NF2: variants seen among roughly 807,000 people sequenced by gnomAD.
NF2 encodes the protein merlin.
A neutral mutation model predicts 83.7 loss-of-function variants in NF2; 8 were observed. The observed-to-expected ratio is 0.10, with a 90% CI of 0.06 to 0.17. NF2 has a LOEUF of 0.17. Among genes scored for constraint, NF2 ranks in the 10% least tolerant of loss-of-function variants. The pLI, the probability that NF2 is intolerant of heterozygous loss-of-function variation, is 1.00. For missense variants in NF2, 533 were observed against 744.4 expected (o/e 0.72, Z 3.31); for synonymous variants, 266 against 269.6 (o/e 0.99, Z 0.13).
At chr22:29,606,765 C>T (rs938880258) in intron 1 of NF2, among the ~76,000 whole-genome samples, 4 of 152,100 alleles carry the variant, frequency 2.6e-5, no homozygotes, top group African/African-American at 4.8e-5. Flanking sequence ...CAAACATTGA[C>T]CGCAGCATGG....
intron 8 of NF2, among the ~76,000 whole-genome samples, chr22:29,663,902 A>T (rs2066543700): frequency 6.6e-6 from 1 of 152,174 alleles, no homozygotes; most frequent in Non-Finnish European, 1.5e-5. Context: ...CTTTCCTGCT[A>T]GTGGTCTAAC....
chr22:29,658,034 G>A (rs562304265), intron 6 of NF2, among the ~76,000 whole-genome samples, 155 bp from the exon 7 acceptor site: 58 of 152,232 alleles, frequency 3.8e-4, no homozygotes, highest in Non-Finnish European at 6.0e-4. Context: ...ACTCAGGGCC[G>A]GGCAGAGCTT....
chr22:29,673,686 C>T (rs188724051), intron 12 of NF2, among the ~76,000 whole-genome samples, 200 bp downstream of exon 12: 1 of 152,338 alleles, frequency 6.6e-6, no homozygotes, highest in Admixed American at 6.5e-5. Flanking sequence ...CACAGGAACT[C>T]AGTTCCCCCT....
intron 1 of NF2, among the ~76,000 whole-genome samples, chr22:29,615,121 T>C (rs2065050414): frequency 1.3e-5 from 2 of 151,906 alleles, no homozygotes; most frequent in Admixed American, 6.6e-5. Context: ...GAGGTGGAGG[T>C]TGCAGTGAGC....
chr22:29,650,589 CT>C lies in NF2; in HGVS notation c.448-4065del, dbSNP rs745993017. 4.0e-5 allele frequency among the ~76,000 whole-genome samples: 6 copies of C among 149,246 alleles called. No individual in the cohort carries two copies. In the East Asian group the frequency reaches 7.8e-4, roughly 19 times the overall value. ...CTCCTTCCTCCCTCCCCTTCCTTTT[CT>C]TTCCTTTTTCTTTTCTTTCTCCCTT... On this transcript the variant is annotated intron_variant, in intron 4 of 15. Coordinates refer to ENST00000338641, the MANE Select transcript of NF2 (RefSeq NM_000268.4).
intron 1 of NF2, among the ~76,000 whole-genome samples, chr22:29,623,973 G>T (rs2065278583): frequency 6.6e-6 from 1 of 152,134 alleles, no homozygotes; most frequent in South Asian, 2.1e-4. Flanking sequence ...TTCCTGCTTT[G>T]GTAGGAAGTC....
intron 1 of NF2, among the ~76,000 whole-genome samples, chr22:29,606,103 C>T (rs1292783152): frequency 2.6e-5 from 4 of 152,182 alleles, no homozygotes; most frequent in Non-Finnish European, 4.4e-5. Context: ...TGCAGGCTTG[C>T]GCCACCATGT....
chr22:29,615,444 G>C (rs912749584), intron 1 of NF2, among the ~76,000 whole-genome samples: 2 of 152,012 alleles, frequency 1.3e-5, no homozygotes, highest in African/African-American at 4.8e-5. Context: ...GTGGTGGCTT[G>C]CACCTGTAGT....
At position 29,673,438 on chromosome 22, in the gene NF2, T is replaced by C; in HGVS notation, c.1292T>C (p.Leu431Pro). 6.2e-7 allele frequency: 1 copy of C among 1,612,398 alleles called. No homozygotes were observed. The highest frequency in any genetic ancestry group is 8.5e-7 in the Non-Finnish European group (1 of 1,179,610). ...AAGCGCCTGATGGAGCAGAAGGTGC[T>C]GGAAGCCGAGGTGCTGGCACTGAAG... is the stretch of plus-strand genomic sequence containing the variant. Reference protein sequence around the residue: ...EEKRLMEQKVLEAEVLALKMA... With the variant: ...EEKRLMEQKVPEAEVLALKMA... The change falls in exon 12 of 16, where the codon CTG (leucine) becomes CCG (proline). Residue 431 changes from leucine to proline, a missense_variant. Leu to Pro is a moderately conservative substitution (Grantham distance 98). Transcript: ENST00000338641.
chr22:29,673,304 A>G lies in NF2; in HGVS notation c.1158A>G (p.Glu386=). The G allele has an allele frequency of 6.3e-7, 1 of 1,589,882 alleles. No homozygotes were observed. Among genetic ancestry groups the G allele is most frequent in the Non-Finnish European group, 8.6e-7 (1 of 1,168,788 alleles). The part of the protein sequence containing the change: ...RSEETADLLA[E]KAQITEEEAK... ...AGGAGACAGCTGACCTGTTGGCTGA[A>G]AAGGCCCAGATCACCGAGGAGGAGG... The change falls in exon 12 of 16, where the codon GAA becomes GAG. Residue 386 remains glutamate (E), a synonymous_variant. Transcript: ENST00000338641.
chr22:29,604,781 A>T (rs1379920965), intron 1 of NF2, among the ~76,000 whole-genome samples: 2 of 152,208 alleles, frequency 1.3e-5, no homozygotes, highest in Non-Finnish European at 2.9e-5. Flanking sequence ...CATTGGCAGC[A>T]GTAAGCAAGG....
At chr22:29,670,471 T>C (rs964014987) in intron 10 of NF2, among the ~76,000 whole-genome samples, 1 of 151,800 alleles carries the variant, frequency 6.6e-6, no homozygotes, top group Non-Finnish European at 1.5e-5. Context: ...TTTCACTGTT[T>C]TATTGCTTGT....
chr22:29,609,676 G>A (rs73159056), intron 1 of NF2, among the ~76,000 whole-genome samples: 5 of 152,324 alleles, frequency 3.3e-5, no homozygotes, highest in Non-Finnish European at 5.9e-5. Context: ...AAATTGGTGT[G>A]TATAACTACA....
rs919979131 is a variant in NF2 at position 29,697,304 on chromosome 22, G to A, written c.*2502G>A. 7 of 202,988 alleles carry A rather than the reference G, an allele frequency of 3.4e-5. No homozygotes were observed. Among genetic ancestry groups the A allele is most frequent in the Non-Finnish European group, 7.1e-5 (7 of 98,688 alleles). 12.6% of individuals were successfully genotyped at this position (202,988 alleles called of 1,614,324 possible). ...AAGTCTGGGAAGTGCCAAGCCACGCGGCCTCAAGGGAGCTGGCTGGTGTTT... is the reference window on the plus strand; with the variant it reads ...AAGTCTGGGAAGTGCCAAGCCACGCAGCCTCAAGGGAGCTGGCTGGTGTTT... On this transcript the variant is annotated 3_prime_UTR_variant, in exon 16 of 16. Coordinates refer to ENST00000338641, the MANE Select transcript of NF2 (RefSeq NM_000268.4).
intron 15 of NF2, among the ~76,000 whole-genome samples, chr22:29,690,486 G>T (rs2067375652): frequency 6.6e-6 from 1 of 152,174 alleles, no homozygotes; most frequent in African/African-American, 2.4e-5. Context: ...AGGGGAAAAG[G>T]GACCCTGCCG....
chr22:29,656,101 G>A (rs2066299573), intron 6 of NF2, among the ~76,000 whole-genome samples: 1 of 151,858 alleles, frequency 6.6e-6, no homozygotes, highest in African/African-American at 2.4e-5. Context: ...ACCATGCCCA[G>A]CTAGTTTTTC....
rs2067193876 is a variant in NF2, at chr22:29,683,238, G to A, written c.1737+1637G>A. The A allele has an allele frequency of 3.2e-6, 5 of 1,546,930 alleles. No homozygotes were observed. The East Asian group carries it at 9.3e-5, about 29-fold the overall frequency. ...GAGTCTAAAAGTAGGCACCCACCCT[G>A]TGAAGCCAGACCAGCCTCCAGGGCC... On this transcript the variant is annotated intron_variant, in intron 15 of 15. Transcript: ENST00000338641.
chr22:29,625,130 T>C (rs531965172), intron 1 of NF2, among the ~76,000 whole-genome samples: 1 of 152,136 alleles, frequency 6.6e-6, no homozygotes, highest in South Asian at 2.1e-4. Context: ...GGTTTCACCA[T>C]GTTGGCCAGG....
At chr22:29,689,805 G>A (rs1331523415) in intron 15 of NF2, among the ~76,000 whole-genome samples, 2 of 152,198 alleles carry the variant, frequency 1.3e-5, no homozygotes, top group Admixed American at 6.5e-5. Flanking sequence ...GGAACAAGAT[G>A]ATCACAATGC....
Sources: gnomAD v4.1 joint callset for allele counts (sites outside exome capture counted in the v4.1 genomes callset) on GRCh38, gnomAD v4.1.1 for gene constraint, MANE v1.5 for transcripts, NCBI Gene and HGNC (gene_info 2026-07-23, HGNC 2026-07-21) for gene names.